POC1A: variants seen among roughly 807,000 people sequenced by gnomAD.
POC1A encodes the protein POC1 centriolar protein A, also known as POC1 centriolar protein homolog A.
In POC1A, 34 loss-of-function variants were observed where a neutral mutation model predicts 47.8. The ratio of observed to expected loss-of-function variants is 0.71; its 90% CI spans 0.54 to 0.95. The LOEUF (loss-of-function observed/expected upper bound fraction) is 0.95. POC1A is among the 40% of genes least tolerant of loss of function. POC1A has a pLI of 0.00. For missense variants in POC1A, 466 were observed against 528.3 expected, an observed-to-expected ratio of 0.88 and a Z score of 1.16; for synonymous variants, 177 against 207.6, an observed-to-expected ratio of 0.85 and a Z score of 1.27.
At chr3:52,139,288 C>T (rs911873075) in intron 6 of POC1A, among the ~76,000 whole-genome samples, 1 of 152,134 alleles carries the variant, frequency 6.6e-6, no homozygotes, top group Non-Finnish European at 1.5e-5. Flanking sequence ...CTCCTTTGCC[C>T]CCTGTGTTCC....
intron 9 of POC1A, among the ~76,000 whole-genome samples, chr3:52,107,196 C>A (rs963553820): frequency 1.3e-5 from 2 of 152,238 alleles, no homozygotes; most frequent in Admixed American, 1.3e-4. Flanking sequence ...GGAAAACAAC[C>A]CCAGCCTTTA....
chr3:52,108,268 A>AT (rs1314494669), intron 9 of POC1A, among the ~76,000 whole-genome samples: 1 of 152,132 alleles, frequency 6.6e-6, no homozygotes, highest in Non-Finnish European at 1.5e-5. Context: ...GGGACTGTGG[A>AT]TTTTTGAAAG....
In POC1A at chr3:52,138,232, G is replaced by A. The variant is rs1212507443; in HGVS notation, c.750C>T (p.Asp250=). 1.2e-6 allele frequency: 2 copies of A among 1,614,062 alleles called. No homozygotes were observed. The highest frequency in any genetic ancestry group is 1.7e-6 in the Non-Finnish European group (2 of 1,179,994). The change falls in exon 7 of 11, where the codon GAC becomes GAT. Residue 250 remains aspartate (D), a synonymous_variant. Transcript: ENST00000296484. ...SGNYLITASS[D]STLKILDLME... ...TCAGGTCCAGGATCTTCAGGGTTGA[G>A]TCACTGGAGGCTGTGATCAGGTAGT...
chr3:52,130,418 G>A (rs1704168939), intron 7 of POC1A, among the ~76,000 whole-genome samples: 1 of 152,198 alleles, frequency 6.6e-6, no homozygotes, highest in Non-Finnish European at 1.5e-5. Flanking sequence ...TGTGAACTGG[G>A]CTCTCATGGC....
At chr3:52,081,602 T>C (rs746698788) in intron 10 of POC1A, among the ~76,000 whole-genome samples, 2 of 151,880 alleles carry the variant, frequency 1.3e-5, no homozygotes, top group Non-Finnish European at 2.9e-5. Flanking sequence ...GGATGGACCA[T>C]AGGAGGCACG....
rs751290239 is a variant in POC1A at position 52,122,346 on chromosome 3, C to A, written c.981+33G>T. 23 of 1,272,932 alleles carry A rather than the reference C, an allele frequency of 1.8e-5. No individual in the cohort carries two copies. In the Admixed American group the frequency reaches 3.9e-4, roughly 21 times the overall value. The allele number at this position is 1,272,932 out of a possible 1,614,324, so 78.9% of individuals were successfully genotyped here. A position where few individuals can be genotyped will look rare whatever the true frequency, so the allele number is the denominator to read the frequency against. ...ACCATGACCTAGCCCACCAGAGTCA[C>A]AGAGCTCAGGACATGCCTGCCAAGC... On this transcript the variant is annotated intron_variant, in intron 9 of 10. Coordinates refer to ENST00000296484, the MANE Select transcript of POC1A (RefSeq NM_015426.5).
At chr3:52,149,411 A>C (rs766279211) in intron 3 of POC1A, 22 bp from the exon 4 acceptor site, 2 of 1,611,264 alleles carry the variant, frequency 1.2e-6, no homozygotes, top group South Asian at 2.2e-5. Context: ...GGCATCCAAG[A>C]GTAAGGAAAC....
In POC1A at chr3:52,108,081, A is replaced by G. The variant is rs114924427; in HGVS notation, c.982-11369T>C. Among the ~76,000 whole-genome samples, 1,098 of 152,286 alleles carry G rather than the reference A, an allele frequency of 7.2e-3. 16 individuals carry two copies. The highest frequency in any genetic ancestry group is 0.025 in the African/African-American group (1,038 of 41,558). On this transcript the variant is annotated intron_variant, in intron 9 of 10. Transcript: ENST00000296484. ...AATGTTCCCTGACTTGGGTTTTATC[A>G]TTAGATTCAGGTTATAAATACTGGA...
At chr3:52,137,117 G>A (rs535364810) in intron 7 of POC1A, among the ~76,000 whole-genome samples, 1 of 152,248 alleles carries the variant, frequency 6.6e-6, no homozygotes, top group African/African-American at 2.4e-5. Context: ...CTGGCCCAGG[G>A]AGAACAGGCC....
In POC1A at chr3:52,120,725, G is replaced by A. The variant is rs1281463425; in HGVS notation, c.981+1654C>T. 3.3e-5 allele frequency among the ~76,000 whole-genome samples: 5 copies of A among 152,298 alleles called. 1 individual carries two copies. In the South Asian group the frequency reaches 1.0e-3, roughly 32 times the overall value. ...TCCAACGTGAGTCTGTAGATAGTAT[G>A]GGAACAAGTGGTTGCTCTAAGCACT... On this transcript the variant is annotated intron_variant, in intron 9 of 10. Transcript: ENST00000296484.
intron 7 of POC1A, 104 bp from the exon 8 acceptor site, chr3:52,125,285 A>C: frequency 1.1e-6 from 1 of 949,766 alleles, no homozygotes; most frequent in Admixed American, 2.0e-5. Flanking sequence ...AGCAGGATAA[A>C]GGACCGAGAG....
chr3:52,111,385 G>A (rs569875364), intron 9 of POC1A, among the ~76,000 whole-genome samples: 44 of 152,240 alleles, frequency 2.9e-4, no homozygotes, highest in African/African-American at 1.0e-3. Flanking sequence ...GGTGGCTCAT[G>A]CCTGTAATCC....
chr3:52,145,074 A>G (rs189845726), intron 6 of POC1A, among the ~76,000 whole-genome samples: 98 of 152,234 alleles, frequency 6.4e-4, no homozygotes, highest in African/African-American at 2.2e-3. Context: ...TGCCAGCTAC[A>G]CAATTCCCAG....
chr3:52,119,297 C>T (rs1372658704), intron 9 of POC1A, among the ~76,000 whole-genome samples: 1 of 152,148 alleles, frequency 6.6e-6, no homozygotes, highest in Non-Finnish European at 1.5e-5. Context: ...AGGTCAGCTT[C>T]TTTTCTGGGC....
intron 9 of POC1A, among the ~76,000 whole-genome samples, chr3:52,122,033 T>C (rs1703797850): frequency 6.6e-6 from 1 of 152,178 alleles, no homozygotes; most frequent in Admixed American, 6.5e-5. Flanking sequence ...AGCCCCACGT[T>C]TGGGTCCTGT....
At chr3:52,125,594 C>T (rs756623111) in intron 7 of POC1A, among the ~76,000 whole-genome samples, 2 of 152,140 alleles carry the variant, frequency 1.3e-5, no homozygotes, top group African/African-American at 2.4e-5. Context: ...AACCCTAACA[C>T]CCAACATCTC....
intron 9 of POC1A, among the ~76,000 whole-genome samples, chr3:52,102,709 G>T (rs1703042092): frequency 6.6e-6 from 1 of 152,130 alleles, no homozygotes; most frequent in Non-Finnish European, 1.5e-5. Context: ...CAACATATGT[G>T]CAAAATGTGT....
rs1196238836 is a variant in POC1A, at chr3:52,150,980, C to T, written c.103+36G>A. The T allele has an allele frequency of 6.8e-6, 11 of 1,609,554 alleles. No homozygotes were observed. In the African/African-American group the frequency reaches 8.0e-5, roughly 12 times the overall value. On this transcript the variant is annotated intron_variant, in intron 2 of 10. Transcript: ENST00000296484. ...AGGTAAAAACTTGGCCTGTTCAGCTCATAACCTAGCACCTAGACAGGGTGC... is the reference window on the plus strand; with the variant it reads ...AGGTAAAAACTTGGCCTGTTCAGCTTATAACCTAGCACCTAGACAGGGTGC...
At chr3:52,088,175 C>T (rs987856402) in intron 10 of POC1A, among the ~76,000 whole-genome samples, 1 of 152,078 alleles carries the variant, frequency 6.6e-6, no homozygotes, top group African/African-American at 2.4e-5. Context: ...CCTGGCGAGT[C>T]GGGCTGCAGC....
Sources: allele counts gnomAD v4.1 joint callset (sites outside exome capture counted in the v4.1 genomes callset), GRCh38; gene constraint gnomAD v4.1.1; transcripts MANE v1.5; gene names NCBI Gene and HGNC (gene_info 2026-07-23, HGNC 2026-07-21).